The following CHODL variants were observed in gnomAD, a reference collection of about 807,000 sequenced individuals.
CHODL encodes transmembrane protein MT75.
CHODL carries 29 observed loss-of-function variants against 34.5 expected under a neutral mutation model. That is an observed-to-expected ratio of 0.84 (90% confidence interval 0.63 to 1.15). CHODL has a LOEUF of 1.15. CHODL is among the 50% of genes most tolerant of loss of function. The pLI is 0.00. For synonymous variants in CHODL, 125 were observed against 116.1 expected, an observed-to-expected ratio of 1.08 and a Z score of -0.49; for missense variants, 332 against 332.5, an observed-to-expected ratio of 1.00 and a Z score of 0.01.
chr21:18,016,799 A>T (rs557058941), intron 1 of CHODL, among the ~76,000 whole-genome samples: 1 of 152,360 alleles, frequency 6.6e-6, no homozygotes, highest in East Asian at 1.9e-4. Context: ...AGAGCCACAG[A>T]GGCAGAGCTG....
intron 2 of CHODL, among the ~76,000 whole-genome samples, chr21:18,147,125 A>G (rs1274294013): frequency 6.6e-6 from 1 of 152,184 alleles, no homozygotes; most frequent in East Asian, 1.9e-4. Context: ...CTATTTTGCT[A>G]GAAAGGTTTT....
chr21:18,116,085 A>G (rs1475619621), intron 2 of CHODL, among the ~76,000 whole-genome samples: 2 of 151,480 alleles, frequency 1.3e-5, no homozygotes, highest in Non-Finnish European at 2.9e-5. Flanking sequence ...CTTGAATTTT[A>G]GTGTTATTTA....
rs2064985638 is a variant in CHODL at position 18,084,919 on chromosome 21, T to TTG, written c.-45+56948_-45+56949insTG. Among the ~76,000 whole-genome samples the TTG allele has an allele frequency of 1.4e-4, 18 of 128,286 alleles. 1 individual carries two copies. The East Asian group carries it at 1.7e-3, about 12-fold the overall frequency. 84.2% of individuals were successfully genotyped at this position (128,286 alleles called of 152,430 possible). A position where few individuals can be genotyped will look rare whatever the true frequency, so the allele number is the denominator to read the frequency against. On this transcript the variant is annotated intron_variant, in intron 2 of 6. Coordinates refer to the CHODL transcript ENST00000400127. ...CTATCTCTTTTGTTAGGTCTAGTAATAGTGTGTGTGTGTGTGTGTGTGTGT... is the reference window on the plus strand; with the variant it reads ...CTATCTCTTTTGTTAGGTCTAGTAATTGAGTGTGTGTGTGTGTGTGTGTGTGT...
intron 2 of CHODL, among the ~76,000 whole-genome samples, chr21:18,203,167 T>C (rs550707124): frequency 1.3e-5 from 2 of 152,320 alleles, no homozygotes; most frequent in Admixed American, 6.5e-5. Flanking sequence ...TTTGTTTTGC[T>C]TAAATCTGAG....
intron 1 of CHODL, among the ~76,000 whole-genome samples, chr21:17,981,298 T>G (rs1320559966): frequency 6.6e-6 from 1 of 152,206 alleles, no homozygotes; most frequent in Non-Finnish European, 1.5e-5. Flanking sequence ...TCTGCTACCA[T>G]GGAAACAGGT....
chr21:18,032,302 T>C (rs914127841), intron 2 of CHODL, among the ~76,000 whole-genome samples: 1 of 152,070 alleles, frequency 6.6e-6, no homozygotes, highest in Admixed American at 6.6e-5. Flanking sequence ...TATACATGTT[T>C]CAAAATATGT....
chr21:18,139,272 A>G (rs2019414776), intron 2 of CHODL, among the ~76,000 whole-genome samples: 2 of 151,980 alleles, frequency 1.3e-5, no homozygotes, highest in South Asian at 4.2e-4. Flanking sequence ...ATGGGATATA[A>G]AGAGGTTCAG....
At chr21:18,215,232 G>A (rs1013780192) in intron 2 of CHODL, among the ~76,000 whole-genome samples, 3 of 151,296 alleles carry the variant, frequency 2.0e-5, no homozygotes, top group African/African-American at 7.3e-5. Context: ...AGAATCTCCT[G>A]CTTTGGGAAC....
At chr21:18,004,376 T>C (rs1463545128) in intron 1 of CHODL, among the ~76,000 whole-genome samples, 7 of 152,238 alleles carry the variant, frequency 4.6e-5, no homozygotes, top group Non-Finnish European at 4.4e-5. Context: ...ACTGTACTTA[T>C]ACTACATTAA....
rs566450835 is a variant in CHODL at position 18,191,445 on chromosome 21, A to G, written c.-44-65064A>G. ...GCAAGGTTCTGGGGAAAATGTTTTG[A>G]CCTCAAGTAGCAAGAATCTTGCACT... On this transcript the variant is annotated intron_variant, in intron 2 of 6. Coordinates refer to the CHODL transcript ENST00000400127. Among the ~76,000 whole-genome samples the G allele has an allele frequency of 4.2e-4, 64 of 152,286 alleles. 1 individual carries two copies. Among genetic ancestry groups the G allele is most frequent in the African/African-American group, 1.5e-3 (64 of 41,574 alleles).
At chr21:18,208,950 A>G (rs62213378) in intron 2 of CHODL, among the ~76,000 whole-genome samples, 64,425 of 145,796 alleles carry the variant, frequency 0.44, 15,759 homozygotes, top group African/African-American at 0.68. Flanking sequence ...CCACCACCGG[A>G]ACTGTGCTGG....
At chr21:18,245,347 A>G in intron 1 of CHODL, 45 bp downstream of exon 1, 1 of 1,442,114 alleles carries the variant, frequency 6.9e-7, no homozygotes, top group Non-Finnish European at 9.2e-7. Flanking sequence ...GGGAGAGGGG[A>G]CCACGGGGCG....
chr21:17,968,605 T>A (rs62213020), intron 1 of CHODL, among the ~76,000 whole-genome samples: 301 of 152,328 alleles, frequency 2.0e-3, no homozygotes, highest in Middle Eastern at 3.4e-3. Flanking sequence ...ACAAACCTGA[T>A]GAAGGAAAAT....
intron 1 of CHODL, among the ~76,000 whole-genome samples, chr21:18,012,480 T>C (rs2064028344): frequency 6.6e-6 from 1 of 152,160 alleles, no homozygotes; most frequent in Non-Finnish European, 1.5e-5. Flanking sequence ...GCACTCCAAA[T>C]TGCTACTATT....
intron 1 of CHODL, among the ~76,000 whole-genome samples, chr21:17,984,457 A>G (rs969788136): frequency 1.3e-5 from 2 of 152,140 alleles, no homozygotes; most frequent in Admixed American, 1.3e-4. Context: ...TCCATTTTTT[A>G]TAGCTGTTGC....
intron 1 of CHODL, among the ~76,000 whole-genome samples, chr21:17,937,294 G>T (rs929639678): frequency 6.6e-6 from 1 of 152,084 alleles, no homozygotes; most frequent in African/African-American, 2.4e-5. Context: ...CCACAGAGAG[G>T]AGAATACCTG....
intron 1 of CHODL, among the ~76,000 whole-genome samples, chr21:17,926,997 C>T (rs1167856190): frequency 6.6e-6 from 1 of 150,790 alleles, no homozygotes; most frequent in Non-Finnish European, 1.5e-5. Flanking sequence ...CACACACGCA[C>T]ACACACACAG....
intron 2 of CHODL, among the ~76,000 whole-genome samples, chr21:18,202,149 T>G (rs969443473): frequency 3.9e-5 from 6 of 152,344 alleles, no homozygotes; most frequent in Admixed American, 1.3e-4. Flanking sequence ...CATGTAAGCT[T>G]CTTTCAATTG....
Position 18,071,915 on chromosome 21 carries a change from AT to A in CHODL, c.-45+43946del, listed in dbSNP as rs563157574. On this transcript the variant is annotated intron_variant, in intron 2 of 6. Transcript: ENST00000400127. ...ATCTTTCCACTCTGCTGGTCTGTGC[AT>A]TGTAAAAATTTTGTTATGGGCTTTA... Among the ~76,000 whole-genome samples the A allele has an allele frequency of 3.8e-3, 584 of 152,250 alleles. 2 individuals carry two copies. The highest frequency in any genetic ancestry group is 0.013 in the African/African-American group (550 of 41,566).
Sources: allele counts gnomAD v4.1 joint callset (sites outside exome capture counted in the v4.1 genomes callset), GRCh38; gene constraint gnomAD v4.1.1; transcripts MANE v1.5; gene names NCBI Gene and HGNC (gene_info 2026-07-23, HGNC 2026-07-21).